STXBP3: variants seen among roughly 807,000 people sequenced by gnomAD.
STXBP3 encodes syntaxin binding protein 3.
In STXBP3, 41 loss-of-function variants were observed where a neutral mutation model predicts 85.7. The observed-to-expected ratio is 0.48, with a 90% CI of 0.37 to 0.62. STXBP3 has a LOEUF of 0.62. STXBP3 is among the 20% of genes least tolerant of loss of function. STXBP3 has a pLI of 0.00. For synonymous variants in STXBP3, 229 were observed against 231.7 expected, an observed-to-expected ratio of 0.99 and a Z score of 0.10; for missense variants, 563 against 703.1, an observed-to-expected ratio of 0.80 and a Z score of 2.25.
intron 17 of STXBP3, among the ~76,000 whole-genome samples, chr1:108,804,435 A>G (rs933839861): frequency 2.0e-5 from 3 of 151,738 alleles, no homozygotes; most frequent in African/African-American, 7.3e-5. Flanking sequence ...TTTATTGTCT[A>G]TTGTCATTTT....
intron 12 of STXBP3, among the ~76,000 whole-genome samples, chr1:108,794,305 A>G (rs1663043705): frequency 6.6e-6 from 1 of 152,196 alleles, no homozygotes; most frequent in Non-Finnish European, 1.5e-5. Flanking sequence ...GCTGTAAGGA[A>G]ATACCCAGGA....
At chr1:108,789,012 C>T (rs1662920996) in intron 11 of STXBP3, among the ~76,000 whole-genome samples, 1 of 151,954 alleles carries the variant, frequency 6.6e-6, no homozygotes, top group South Asian at 2.1e-4. Context: ...TGCAGTGAGC[C>T]AAGATAGTGC....
chr1:108,788,012 G>A (rs946795708), intron 11 of STXBP3, among the ~76,000 whole-genome samples: 3 of 151,966 alleles, frequency 2.0e-5, no homozygotes, highest in Admixed American at 1.3e-4. Context: ...GGCTGGTCTC[G>A]AACTCCTGAG....
intron 1 of STXBP3, among the ~76,000 whole-genome samples, chr1:108,748,127 CAACT>C (rs3051073): frequency 0.22 from 33,303 of 151,836 alleles, 3,898 homozygotes; most frequent in Non-Finnish European, 0.26. Flanking sequence ...TTTTTTTAAA[CAACT>C]GACATTGACT....
Position 108,772,697 on chromosome 1 carries a change from T to C in STXBP3, c.471T>C (p.Tyr157=), listed in dbSNP as rs764749732. The change falls in exon 7 of 19, where the codon TAT becomes TAC. Residue 157 remains tyrosine, a synonymous_variant. Transcript: ENST00000370008. Reference sequence around the variant, plus strand: ...CTCTTGATGTACCAGATGCATTCTATTACTGTTATAGTCCAGACCCTGGTA... The same window carrying C: ...CTCTTGATGTACCAGATGCATTCTACTACTGTTATAGTCCAGACCCTGGTA... The part of the protein sequence containing the change: ...VYTLDVPDAF[Y]YCYSPDPGNA... The C allele has an allele frequency of 7.7e-6, 12 of 1,565,992 alleles. No individual in the cohort carries two copies. The highest frequency in any genetic ancestry group is 1.7e-4 in the Middle Eastern group (1 of 5,924).
At chr1:108,782,874 TTGTC>T (rs1006492308) in intron 11 of STXBP3, among the ~76,000 whole-genome samples, 168 bp downstream of exon 11, 4 of 152,234 alleles carry the variant, frequency 2.6e-5, no homozygotes, top group Non-Finnish European at 5.9e-5. Flanking sequence ...AACAACATTT[TTGTC>T]TGTCCTGCTT....
At chr1:108,753,894 T>G (rs1047437486) in intron 3 of STXBP3, among the ~76,000 whole-genome samples, 1 of 152,132 alleles carries the variant, frequency 6.6e-6, no homozygotes, top group Admixed American at 6.6e-5. Context: ...GAAATATAAT[T>G]CATTTATATT....
intron 3 of STXBP3, among the ~76,000 whole-genome samples, chr1:108,755,921 A>G (rs773460982): frequency 1.3e-5 from 2 of 152,330 alleles, no homozygotes; most frequent in Non-Finnish European, 2.9e-5. Context: ...TATTTAAAAG[A>G]GAAGTCCAGC....
intron 15 of STXBP3, 126 bp downstream of exon 15, chr1:108,796,852 G>C (rs1385043932): frequency 1.7e-6 from 1 of 572,372 alleles, no homozygotes; most frequent in African/African-American, 2.0e-5. Flanking sequence ...GAATAAGTAA[G>C]CAATTAAAGA....
intron 11 of STXBP3, among the ~76,000 whole-genome samples, chr1:108,791,493 A>C (rs921207622): frequency 2.0e-5 from 3 of 148,200 alleles, no homozygotes; most frequent in Non-Finnish European, 4.5e-5. Context: ...TGTTTTTTAG[A>C]TCTCTTGACT....
chr1:108,788,606 T>G (rs1483484175), intron 11 of STXBP3, among the ~76,000 whole-genome samples: 2 of 152,196 alleles, frequency 1.3e-5, no homozygotes, highest in African/African-American at 4.8e-5. Context: ...TTTTTTACTT[T>G]TTCTTCATTA....
rs1377218105 is a variant in STXBP3, at chr1:108,772,847, A to G, written c.593+28A>G. 3 of 1,540,630 alleles carry G rather than the reference A, an allele frequency of 1.9e-6. No homozygotes were observed. In the South Asian group the frequency reaches 3.6e-5, roughly 19 times the overall value. On this transcript the variant is annotated intron_variant, in intron 7 of 18. Coordinates refer to ENST00000370008, the MANE Select transcript of STXBP3 (RefSeq NM_007269.4). Reference sequence around the variant, plus strand: ...AAGACACTGAGCATCTGCACATGTTATGCTTCCTATTTACCATTCATTATA... The same window carrying G: ...AAGACACTGAGCATCTGCACATGTTGTGCTTCCTATTTACCATTCATTATA...
intron 3 of STXBP3, among the ~76,000 whole-genome samples, chr1:108,753,464 T>C (rs894340366): frequency 9.9e-5 from 15 of 152,140 alleles, no homozygotes; most frequent in African/African-American, 3.6e-4. Context: ...AGTATTTTGA[T>C]TTAGTTTATG....
At chr1:108,801,966 G>A (rs1663242116) in intron 17 of STXBP3, among the ~76,000 whole-genome samples, 1 of 152,168 alleles carries the variant, frequency 6.6e-6, no homozygotes, top group Non-Finnish European at 1.5e-5. Context: ...ACTGCAGCCA[G>A]CCCTTTTTTC....
At chr1:108,779,598 T>A in intron 9 of STXBP3, 188 bp downstream of exon 9, 1 of 561,204 alleles carries the variant, frequency 1.8e-6, no homozygotes, top group South Asian at 6.7e-5. Flanking sequence ...AATTAAAGTG[T>A]AATTTGATTG....
chr1:108,763,814 T>A (rs1387226710), intron 6 of STXBP3, among the ~76,000 whole-genome samples: 1 of 152,002 alleles, frequency 6.6e-6, no homozygotes, highest in Non-Finnish European at 1.5e-5. Flanking sequence ...ACTCCCGACC[T>A]CAAGTGATCT....
intron 6 of STXBP3, among the ~76,000 whole-genome samples, chr1:108,765,192 C>T (rs1331818231): frequency 6.6e-6 from 1 of 152,148 alleles, no homozygotes; most frequent in African/African-American, 2.4e-5. Context: ...TGTAGGTATG[C>T]GGCCTTATAT....
intron 11 of STXBP3, among the ~76,000 whole-genome samples, chr1:108,785,790 G>A (rs548503885): frequency 6.6e-6 from 1 of 152,244 alleles, no homozygotes; most frequent in South Asian, 2.1e-4. Context: ...CAGATCTCTA[G>A]GGCAAGGACA....
intron 5 of STXBP3, chr1:108,759,117 C>T (rs1237236807): frequency 2.0e-5 from 3 of 152,158 alleles, no homozygotes; most frequent in Non-Finnish European, 4.4e-5. Flanking sequence ...AGTCCAAAGA[C>T]ACATACAATT....
Sources: allele counts gnomAD v4.1 joint callset (sites outside exome capture counted in the v4.1 genomes callset), GRCh38; gene constraint gnomAD v4.1.1; transcripts MANE v1.5; gene names NCBI Gene and HGNC (gene_info 2026-07-23, HGNC 2026-07-21).